The following CSMD1 variants were observed in gnomAD, a reference collection of about 807,000 sequenced individuals.
The protein encoded by CSMD1 is CUB and sushi domain-containing protein 1.
In CSMD1, 213 loss-of-function variants were observed where a neutral mutation model predicts 417.5. That is an observed-to-expected ratio of 0.51 (90% CI 0.46 to 0.57). The LOEUF (loss-of-function observed/expected upper bound fraction) is 0.57. CSMD1 is among the 20% of genes least tolerant of loss of function. The probability of loss-of-function intolerance (pLI) is 0.00; values close to 1 mark genes in which losing one functional copy is unlikely to be tolerated. For missense variants in CSMD1, 6,923 were observed against 4,529.7 expected, an observed-to-expected ratio of 1.53 and a Z score of -15.17; for synonymous variants, 2,862 against 1,736.8, an observed-to-expected ratio of 1.65 and a Z score of -16.11.
chr8:4,695,530 G>C (rs1807072095), intron 1 of CSMD1, among the ~76,000 whole-genome samples: 1 of 152,080 alleles, frequency 6.6e-6, no homozygotes, highest in Non-Finnish European at 1.5e-5. Context: ...ATTTTTTACA[G>C]CAGTTTTAAG....
chr8:3,633,784 T>C (rs978128359), intron 7 of CSMD1, among the ~76,000 whole-genome samples: 1 of 152,188 alleles, frequency 6.6e-6, no homozygotes, highest in Non-Finnish European at 1.5e-5. Flanking sequence ...TAATCAGATA[T>C]TACTTCTCAA....
chr8:3,390,380 G>C (rs1263751498), intron 17 of CSMD1, among the ~76,000 whole-genome samples: 1 of 119,222 alleles, frequency 8.4e-6, no homozygotes, highest in Admixed American at 8.5e-5. Context: ...AAAAAAAAAA[G>C]GAATTTTGTA....
intron 37 of CSMD1, among the ~76,000 whole-genome samples, chr8:3,164,856 A>G (rs770982728): frequency 6.6e-6 from 1 of 152,176 alleles, no homozygotes; most frequent in Non-Finnish European, 1.5e-5. Context: ...TTTTACCCAT[A>G]AGATATGATG....
At chr8:4,825,258 A>C (rs1799758693) in intron 1 of CSMD1, among the ~76,000 whole-genome samples, 1 of 152,140 alleles carries the variant, frequency 6.6e-6, no homozygotes, top group African/African-American at 2.4e-5. Context: ...AAATATGCAT[A>C]CACCCATGAC....
chr8:3,299,894 G>A (rs1365444314), intron 25 of CSMD1, among the ~76,000 whole-genome samples: 1 of 152,178 alleles, frequency 6.6e-6, no homozygotes, highest in Non-Finnish European at 1.5e-5. Flanking sequence ...TGTACTGCTG[G>A]TGGTATATCT....
chr8:4,331,289 G>A (rs1007678056), intron 3 of CSMD1, among the ~76,000 whole-genome samples: 2 of 152,100 alleles, frequency 1.3e-5, no homozygotes, highest in African/African-American at 4.8e-5. Context: ...GTGCTGAATG[G>A]CAGAAGCATC....
chr8:4,171,645 GT>G (rs936741916), intron 3 of CSMD1, among the ~76,000 whole-genome samples: 1 of 149,744 alleles, frequency 6.7e-6, no homozygotes, highest in African/African-American at 2.5e-5. Flanking sequence ...AAACTTGCCT[GT>G]TTTTTTCCCA....
At chr8:3,846,497 T>A (rs142501708) in intron 5 of CSMD1, among the ~76,000 whole-genome samples, 1 of 152,164 alleles carries the variant, frequency 6.6e-6, no homozygotes, top group Admixed American at 6.5e-5. Flanking sequence ...GAAACTCAGA[T>A]AAGCATAGAA....
chr8:4,562,118 T>C (rs2130615718), intron 2 of CSMD1, among the ~76,000 whole-genome samples: 1 of 152,238 alleles, frequency 6.6e-6, no homozygotes, highest in East Asian at 1.9e-4. Context: ...GGGAAGAGTG[T>C]AGGAAAAGCT....
At chr8:3,984,871 G>A (rs756044491) in intron 5 of CSMD1, among the ~76,000 whole-genome samples, 1 of 151,312 alleles carries the variant, frequency 6.6e-6, no homozygotes, top group Non-Finnish European at 1.5e-5. Flanking sequence ...TGAAGAGAAA[G>A]TTTGAATCTA....
chr8:3,432,703 A>T (rs1814294808), intron 12 of CSMD1, among the ~76,000 whole-genome samples: 1 of 151,998 alleles, frequency 6.6e-6, no homozygotes, highest in African/African-American at 2.4e-5. Flanking sequence ...TTTAGTACAG[A>T]TGGGGTTTCA....
Position 3,110,322 on chromosome 8 carries a change from G to T in CSMD1, c.6444C>A (p.Tyr2148Ter). Residue 2148 changes from tyrosine (Y) to a stop codon, truncating the protein, a stop_gained, in exon 43 of 70, where the codon TAC becomes TAA. Transcript: ENST00000635120. LOFTEE classifies it high-confidence loss of function. ...TGGTGCCGTTCTGAGAAGTTACGTT[G>T]TACCCACAAGGGGCTGCAAAGGAAA... ...PFPRCDAPCG[Y>*]NVTSQNGTIY... 6.2e-7 allele frequency: 1 copy of T among 1,609,850 alleles called. No individual in the cohort carries two copies. The highest frequency in any genetic ancestry group is 1.7e-5 in the Admixed American group (1 of 59,334).
intron 5 of CSMD1, among the ~76,000 whole-genome samples, chr8:3,836,865 T>C (rs1273316531): frequency 6.6e-6 from 1 of 152,208 alleles, no homozygotes; most frequent in African/African-American, 2.4e-5. Flanking sequence ...AAGTATTTAA[T>C]ATAACTTGAC....
chr8:4,733,007 T>C (rs1053116592), intron 1 of CSMD1, among the ~76,000 whole-genome samples: 6 of 141,654 alleles, frequency 4.2e-5, no homozygotes, highest in African/African-American at 1.5e-4. Flanking sequence ...TCCTCTTTCA[T>C]TTGCACGGTT....
rs1365408860 is a variant in CSMD1, at chr8:4,566,672, AAAAAAAG to A, written c.302+70663_302+70669del. The stretch of plus-strand genomic sequence containing the variant: ...TGACTCAAAAAAAAAAAAAAAAAAA[AAAAAAAG>A]AAAGCTAGTTTTGGTATAATTTTGG... On this transcript the variant is annotated intron_variant, in intron 2 of 69. Coordinates refer to ENST00000635120, the MANE Select transcript of CSMD1 (RefSeq NM_033225.6). Among the ~76,000 whole-genome samples the A allele has an allele frequency of 4.2e-3, 638 of 150,730 alleles. 10 individuals carry two copies. Among genetic ancestry groups the A allele is most frequent in the African/African-American group, 0.015 (605 of 40,684 alleles).
intron 3 of CSMD1, among the ~76,000 whole-genome samples, chr8:4,209,492 C>G (rs1302817190): frequency 1.3e-5 from 2 of 152,164 alleles, no homozygotes; most frequent in Non-Finnish European, 2.9e-5. Flanking sequence ...TTCCCTTAAC[C>G]TCACTCCCAT....
chr8:4,540,256 A>G (rs892647915), intron 2 of CSMD1, among the ~76,000 whole-genome samples: 1 of 152,226 alleles, frequency 6.6e-6, no homozygotes, highest in African/African-American at 2.4e-5. Context: ...TCCAGCAAGA[A>G]GTAAAATAAG....
intron 3 of CSMD1, among the ~76,000 whole-genome samples, chr8:4,236,126 G>C (rs1175350166): frequency 6.8e-6 from 1 of 146,286 alleles, no homozygotes; most frequent in Non-Finnish European, 1.5e-5. Context: ...CAAACGGTGG[G>C]ATAAAAACAC....
At chr8:4,980,941 A>G (rs773435987) in intron 1 of CSMD1, among the ~76,000 whole-genome samples, 2 of 152,030 alleles carry the variant, frequency 1.3e-5, no homozygotes, top group Non-Finnish European at 2.9e-5. Context: ...TACTTTGCCC[A>G]GCAACATGGA....
Sources: gnomAD v4.1 joint callset for allele counts (sites outside exome capture counted in the v4.1 genomes callset) on GRCh38, gnomAD v4.1.1 for gene constraint, MANE v1.5 for transcripts, NCBI Gene and HGNC (gene_info 2026-07-23, HGNC 2026-07-21) for gene names.